Variants in ABCG1 observed in about 807,000 individuals in gnomAD.
The protein encoded by ABCG1 is ATP-binding cassette sub-family G member 1.
ABCG1 carries 29 observed loss-of-function variants against 69.2 expected under a neutral mutation model. That is an observed-to-expected ratio of 0.42 (90% CI 0.31 to 0.57). The LOEUF is 0.57. ABCG1 is among the 20% of genes least tolerant of loss of function. The pLI, the probability that ABCG1 is intolerant of heterozygous loss-of-function variation, is 0.15. For synonymous variants in ABCG1, 370 were observed against 374.8 expected (o/e 0.99, Z 0.15); for missense variants, 718 against 898.1 (o/e 0.80, Z 2.56).
intron 2 of ABCG1, among the ~76,000 whole-genome samples, chr21:42,247,999 G>A (rs1269865687): frequency 6.6e-6 from 1 of 152,132 alleles, no homozygotes; most frequent in Non-Finnish European, 1.5e-5. Context: ...CGGTGAGACG[G>A]CACATTTTGT....
Position 42,284,612 on chromosome 21 carries a change from G to T in ABCG1, c.787G>T (p.Ala263Ser). The T allele has an allele frequency of 6.2e-7, 1 of 1,613,888 alleles. No homozygotes were observed. Among genetic ancestry groups the T allele is most frequent in the Non-Finnish European group, 8.5e-7 (1 of 1,180,016 alleles). The change falls in exon 7 of 15, where the codon GCT becomes TCT. Residue 263 changes from alanine (A) to serine (S), a missense_variant. Coordinates refer to ENST00000398449, the MANE Select transcript of ABCG1 (RefSeq NM_016818.3). ...GGTGGTCTCGCTGATGAAAGGGCTC[G>T]CTCAAGGGGGTCGCTCCATCATTTG... ...FQVVSLMKGL[A>S]QGGRSIICTI...
In ABCG1 at chr21:42,291,162, G is replaced by A. The variant is rs1262911473; in HGVS notation, c.1464G>A (p.Leu488=). The part of the protein sequence containing the change: ...NYWYSLKAYY[L]AKTMADVPFQ... Reference sequence around the variant, plus strand: ...GGTACAGCCTGAAGGCCTACTACCTGGCCAAGACCATGGCAGACGTGCCCT... The same window carrying A: ...GGTACAGCCTGAAGGCCTACTACCTAGCCAAGACCATGGCAGACGTGCCCT... Residue 488 remains leucine, a synonymous_variant, in exon 12 of 15, where the codon CTG becomes CTA. Transcript: ENST00000398449. This position sits in a 1 kb window ranked among gnomAD's most constrained non-coding sequence, Gnocchi z 6.4. 27 of 1,614,082 alleles carry A rather than the reference G, an allele frequency of 1.7e-5. No homozygotes were observed. Among genetic ancestry groups the A allele is most frequent in the Non-Finnish European group, 2.3e-5 (27 of 1,179,964 alleles).
intron 7 of ABCG1, among the ~76,000 whole-genome samples, chr21:42,285,037 G>A (rs1367542795): frequency 2.0e-5 from 3 of 152,112 alleles, no homozygotes; most frequent in Admixed American, 1.3e-4. Context: ...GTGGAAGCTG[G>A]TGAGCAGAGT....
intron 1 of ABCG1, among the ~76,000 whole-genome samples, chr21:42,223,547 C>T (rs1396078423): frequency 6.6e-6 from 1 of 152,146 alleles, no homozygotes; most frequent in Admixed American, 6.5e-5. Flanking sequence ...AGAAGCACAG[C>T]TGAGCTTCTC....
At chr21:42,232,923 T>G (rs1157130967) in intron 2 of ABCG1, among the ~76,000 whole-genome samples, 1 of 152,224 alleles carries the variant, frequency 6.6e-6, no homozygotes. Flanking sequence ...GAAAACCATG[T>G]GGGTCAGATT....
At chr21:42,220,432 A>AC (rs2067706712) in intron 1 of ABCG1, among the ~76,000 whole-genome samples, 1 of 152,186 alleles carries the variant, frequency 6.6e-6, no homozygotes, top group Non-Finnish European at 1.5e-5. Flanking sequence ...AAAAAAAAAA[A>AC]ATAGCCAGGT....
intron 2 of ABCG1, 108 bp from the exon 3 acceptor site, chr21:42,270,962 C>A: frequency 1.6e-6 from 1 of 631,282 alleles, no homozygotes; most frequent in Non-Finnish European, 2.6e-6. Flanking sequence ...TTCTATGATG[C>A]ATGTCAAAGG....
intron 2 of ABCG1, among the ~76,000 whole-genome samples, chr21:42,255,001 A>T (rs2068279717): frequency 6.6e-6 from 1 of 152,198 alleles, no homozygotes; most frequent in Non-Finnish European, 1.5e-5. Flanking sequence ...TGGCAACCTT[A>T]TTGGTGCTAT....
intron 2 of ABCG1, among the ~76,000 whole-genome samples, chr21:42,258,377 C>T (rs1041519442): frequency 1.3e-5 from 2 of 149,460 alleles, no homozygotes; most frequent in African/African-American, 4.9e-5. Flanking sequence ...ATCCCTCTTT[C>T]CATCTCTCCC....
chr21:42,221,913 G>C (rs535472128), intron 1 of ABCG1, among the ~76,000 whole-genome samples: 4 of 152,278 alleles, frequency 2.6e-5, no homozygotes, highest in Non-Finnish European at 4.4e-5. Flanking sequence ...AGCTAAACAG[G>C]CATCTCTATC....
At chr21:42,213,250 G>T (rs1025759708), upstream of ABCG1, among the ~76,000 whole-genome samples, 9 of 152,242 alleles carry the variant, frequency 5.9e-5, no homozygotes, top group African/African-American at 1.9e-4. Context: ...CTGGGGGACA[G>T]AACTATGCCC....
intron 5 of ABCG1, among the ~76,000 whole-genome samples, chr21:42,279,691 G>A (rs547132265): frequency 2.6e-5 from 4 of 152,356 alleles, no homozygotes; most frequent in African/African-American, 7.2e-5. Flanking sequence ...AGCCTTTTCC[G>A]GGGTAGCTGG....
Position 42,287,884 on chromosome 21 carries a change from T to C in ABCG1, c.974-5T>C. On this transcript the variant is annotated splice_region_variant and splice_polypyrimidine_tract_variant and intron_variant, in intron 8 of 14. Transcript: ENST00000398449. This position sits in a 1 kb window ranked among gnomAD's most constrained non-coding sequence, Gnocchi z 6.2. ...CGGGCTGACCCCCGTCTGTGTCTCC[T>C]GCAGTCATGGAGGTTGCATCCGGCG... The C allele has an allele frequency of 6.4e-7, 1 of 1,567,896 alleles. No homozygotes were observed. The highest frequency in any genetic ancestry group is 8.7e-7 in the Non-Finnish European group (1 of 1,154,324).
chr21:42,273,516 G>A lies in ABCG1; in HGVS notation c.537+81G>A. 2 of 1,501,432 alleles carry A rather than the reference G, an allele frequency of 1.3e-6. No individual in the cohort carries two copies. Among genetic ancestry groups the A allele is most frequent in the Non-Finnish European group, 9.0e-7 (1 of 1,114,016 alleles). 93.0% of individuals were successfully genotyped at this position (1,501,432 alleles called of 1,614,324 possible). On this transcript the variant is annotated intron_variant, in intron 4 of 14. Transcript: ENST00000398449. This position sits in a 1 kb window ranked among gnomAD's most constrained non-coding sequence, Gnocchi z 5.3. ...ACATTAGACACAGCACTGGCCGAGT[G>A]CCCAGCTGCGAGGGACCCAAGGGCT...
chr21:42,269,410 C>T lies in ABCG1; in HGVS notation c.287-1660C>T, dbSNP rs150301348. Among the ~76,000 whole-genome samples, 111 of 152,284 alleles carry T rather than the reference C, an allele frequency of 7.3e-4. No individual in the cohort carries two copies. In the East Asian group the frequency reaches 9.5e-3, roughly 13 times the overall value. On this transcript the variant is annotated intron_variant, in intron 2 of 14. Coordinates refer to ENST00000398449, the MANE Select transcript of ABCG1 (RefSeq NM_016818.3). Reference sequence around the variant, plus strand: ...GCAGAAGGGCTATTCTTGGGGTTCCCGGTCCTCCTCCAGCCCCGCTAATCT... The same window carrying T: ...GCAGAAGGGCTATTCTTGGGGTTCCTGGTCCTCCTCCAGCCCCGCTAATCT...
At position 42,271,120 on chromosome 21, in the gene ABCG1, T is replaced by A. The variant is rs757350026; in HGVS notation, c.337T>A (p.Leu113Met). 8.8e-6 allele frequency: 14 copies of A among 1,583,656 alleles called. No homozygotes were observed. The highest frequency in any genetic ancestry group is 1.7e-4 in the Middle Eastern group (1 of 5,996). ...GISGKFNSGE[L>M]VAIMGPSGAG... Reference sequence around the variant, plus strand: ...TTCCGGGAAGTTCAATAGTGGTGAGTTGGTGGCCATTATGGGTCCTTCCGG... The same window carrying A: ...TTCCGGGAAGTTCAATAGTGGTGAGATGGTGGCCATTATGGGTCCTTCCGG... Residue 113 changes from leucine to methionine, a missense_variant, in exon 3 of 15, where the codon TTG becomes ATG. Transcript: ENST00000398449.
At chr21:42,293,087 C>CAG (rs1168349723) in intron 13 of ABCG1, among the ~76,000 whole-genome samples, 1 of 86,202 alleles carries the variant, frequency 1.2e-5, no homozygotes, top group Non-Finnish European at 2.3e-5. Flanking sequence ...ACCACACACA[C>CAG]TACACACCAC....
At chr21:42,263,702 A>G (rs918946749) in intron 2 of ABCG1, among the ~76,000 whole-genome samples, 10 of 152,192 alleles carry the variant, frequency 6.6e-5, no homozygotes, top group Admixed American at 5.2e-4. Context: ...AGACAGACGG[A>G]GCCAGCAACC....
chr21:42,204,839 T>C (rs2067531132), intron 2 of ABCG1, among the ~76,000 whole-genome samples: 1 of 152,178 alleles, frequency 6.6e-6, no homozygotes, highest in Non-Finnish European at 1.5e-5. Context: ...TTAAAAATAT[T>C]ATATTTGTCT....
Sources: gnomAD v4.1 joint callset for allele counts (sites outside exome capture counted in the v4.1 genomes callset) on GRCh38, gnomAD v4.1.1 for gene constraint, Gnocchi (gnomAD v3.1) non-coding constraint, MANE v1.5 for transcripts, NCBI Gene and HGNC (gene_info 2026-07-23, HGNC 2026-07-21) for gene names.